Variants in SCN8A observed in about 807,000 individuals in gnomAD.
SCN8A encodes the protein sodium channel protein type 8 subunit alpha.
SCN8A carries 30 observed loss-of-function variants against 184.1 expected under a neutral mutation model. The observed-to-expected ratio is 0.16, with a 90% CI of 0.12 to 0.22. The LOEUF (loss-of-function observed/expected upper bound fraction) is 0.22, where lower values mean the gene tolerates loss of function less well. SCN8A is among the 10% of genes least tolerant of loss of function. The pLI is 1.00. For missense variants in SCN8A, 1,057 were observed against 2,498.9 expected, an observed-to-expected ratio of 0.42 and a Z score of 12.30; for synonymous variants, 852 against 907.0, an observed-to-expected ratio of 0.94 and a Z score of 1.09.
intron 12 of SCN8A, among the ~76,000 whole-genome samples, chr12:51,740,281 A>G (rs1942400717): frequency 1.3e-5 from 2 of 152,230 alleles, no homozygotes; most frequent in Admixed American, 6.5e-5. Flanking sequence ...CAAGGTGCTG[A>G]TAGCTTTAAA....
chr12:51,718,677 G>A (rs999246335), intron 11 of SCN8A, among the ~76,000 whole-genome samples: 8 of 151,924 alleles, frequency 5.3e-5, no homozygotes, highest in African/African-American at 1.2e-4. Flanking sequence ...TGACTTTAAG[G>A]TAGATTTTGA....
At chr12:51,764,755 A>G (rs1462507149) in intron 15 of SCN8A, among the ~76,000 whole-genome samples, 5 of 152,028 alleles carry the variant, frequency 3.3e-5, no homozygotes. Flanking sequence ...CTGTCCTCTG[A>G]ATAACAGTAT....
intron 9 of SCN8A, 29 bp from the exon 10 acceptor site, chr12:51,705,388 G>GACTCAGAAAA: frequency 6.2e-7 from 1 of 1,610,596 alleles, no homozygotes; most frequent in South Asian, 1.1e-5. Context: ...TGGTACAAGT[G>GACTCAGAAAA]ACTCAGAAAA....
At chr12:51,738,535 A>G (rs1288145000) in intron 12 of SCN8A, among the ~76,000 whole-genome samples, 1 of 152,166 alleles carries the variant, frequency 6.6e-6, no homozygotes, top group African/African-American at 2.4e-5. Context: ...TTTATCAGTA[A>G]TTTGATTTAC....
At chr12:51,675,262 G>A (rs1272017659) in intron 2 of SCN8A, among the ~76,000 whole-genome samples, 3 of 152,170 alleles carry the variant, frequency 2.0e-5, no homozygotes, top group East Asian at 1.9e-4. Context: ...TGCTCTGCCC[G>A]GTATGGCTTC....
intron 6 of SCN8A, among the ~76,000 whole-genome samples, chr12:51,690,707 A>G (rs149711947): frequency 1.1e-3 from 167 of 152,244 alleles, no homozygotes; most frequent in Non-Finnish European, 1.7e-3. Flanking sequence ...TCAATAGCAG[A>G]TAGAGAGGGA....
chr12:51,778,013 CATATAAATTCTT>C (rs1404747106), intron 20 of SCN8A, among the ~76,000 whole-genome samples: 1 of 152,164 alleles, frequency 6.6e-6, no homozygotes, highest in East Asian at 1.9e-4. Flanking sequence ...TAGATACCTC[CATATAAATTCTT>C]ATTGATAATG....
rs1942078978 is a variant in SCN8A, at chr12:51,722,112, T to TTCCCCCTATTACTCACCCTG, written c.1998+207_1998+226dup. 4.0e-6 allele frequency: 3 copies of TTCCCCCTATTACTCACCCTG among 749,152 alleles called. No individual in the cohort carries two copies. In the African/African-American group the frequency reaches 5.3e-5, roughly 13 times the overall value. 46.4% of individuals were successfully genotyped at this position (749,152 alleles called of 1,614,324 possible). On this transcript the variant is annotated intron_variant, in intron 12 of 26. Coordinates refer to ENST00000627620, the MANE Select transcript of SCN8A (RefSeq NM_001330260.2). ...CCTATTTCTATTTCTCTCTTCAGTT[T>TTCCCCCTATTACTCACCCTG]TCCCCCTATTACTCACCCTGTCTTC...
chr12:51,603,155 T>G (rs1939506000), intron 1 of SCN8A, among the ~76,000 whole-genome samples: 1 of 152,184 alleles, frequency 6.6e-6, no homozygotes, highest in African/African-American at 2.4e-5. Flanking sequence ...TACTCCCTCC[T>G]GCTGTTCCTT....
chr12:51,708,107 C>T (rs1251988951), intron 11 of SCN8A, among the ~76,000 whole-genome samples: 1 of 152,178 alleles, frequency 6.6e-6, no homozygotes, highest in Non-Finnish European at 1.5e-5. Context: ...TCTAAAACAT[C>T]AGGGAGAGCT....
chr12:51,751,543 C>T lies in SCN8A; in HGVS notation c.2320C>T (p.His774Tyr), dbSNP rs1565910864. 1.1e-5 allele frequency: 18 copies of T among 1,613,886 alleles called. No homozygotes were observed. The highest frequency in any genetic ancestry group is 1.4e-5 in the Non-Finnish European group (17 of 1,179,828). Reference protein sequence around the residue: ...VLNTLFMAMEHHPMTPQFEHV... With the variant: ...VLNTLFMAMEYHPMTPQFEHV... Reference sequence around the variant, plus strand: ...GAATACACTGTTTATGGCAATGGAGCACCATCCTATGACACCACAATTTGA... The same window carrying T: ...GAATACACTGTTTATGGCAATGGAGTACCATCCTATGACACCACAATTTGA... The change falls in exon 14 of 27, where the codon CAC (histidine) becomes TAC (tyrosine). Residue 774 changes from histidine (H) to tyrosine (Y), a missense_variant. Physicochemically the swap from His to Tyr is moderately conservative, Grantham distance 83 (BLOSUM62 2). Transcript: ENST00000627620.
chr12:51,595,823 C>T (rs1161726277), intron 1 of SCN8A, among the ~76,000 whole-genome samples: 2 of 152,154 alleles, frequency 1.3e-5, no homozygotes, highest in African/African-American at 2.4e-5. Flanking sequence ...GAAAAGCAGA[C>T]GGATGCTTTA....
chr12:51,704,974 C>CA (rs1038369848), intron 9 of SCN8A, among the ~76,000 whole-genome samples: 2,022 of 146,728 alleles, frequency 0.014, 40 homozygotes, highest in African/African-American at 0.047. Context: ...CACTTCATCT[C>CA]AAAAAAAAAA....
At chr12:51,591,882 C>T (rs1939228480) in intron 1 of SCN8A, among the ~76,000 whole-genome samples, 1 of 152,046 alleles carries the variant, frequency 6.6e-6, no homozygotes, top group Non-Finnish European at 1.5e-5. Context: ...GGGTTCTTCC[C>T]GCAGCCAGCA....
At chr12:51,785,803 A>T (rs538434396) in intron 21 of SCN8A, among the ~76,000 whole-genome samples, 6 of 152,230 alleles carry the variant, frequency 3.9e-5, no homozygotes, top group Non-Finnish European at 8.8e-5. Context: ...ATACACTGTG[A>T]TGAGTGGAGT....
chr12:51,612,663 C>T (rs138716346), intron 1 of SCN8A, among the ~76,000 whole-genome samples: 1 of 152,168 alleles, frequency 6.6e-6, no homozygotes, highest in Non-Finnish European at 1.5e-5. Context: ...ACCTACTTTG[C>T]ATTTCTGGGG....
intron 11 of SCN8A, among the ~76,000 whole-genome samples, chr12:51,711,480 C>T (rs1004738227): frequency 6.6e-6 from 1 of 152,196 alleles, no homozygotes; most frequent in Non-Finnish European, 1.5e-5. Flanking sequence ...TAGAAAGAAT[C>T]ACTTATAACT....
At chr12:51,755,626 AC>A (rs879653376) in intron 14 of SCN8A, among the ~76,000 whole-genome samples, 14 of 150,492 alleles carry the variant, frequency 9.3e-5, no homozygotes, top group East Asian at 3.9e-4. Context: ...AAAATAGAAA[AC>A]TAAAAAAAAA....
intron 1 of SCN8A, among the ~76,000 whole-genome samples, chr12:51,618,458 A>AACACACACACACAC (rs56163627): frequency 1.4e-5 from 2 of 138,844 alleles, no homozygotes; most frequent in African/African-American, 2.8e-5. Flanking sequence ...ATACCAGAGC[A>AACACACACACACAC]ACACACACAC....
Sources: allele counts gnomAD v4.1 joint callset (sites outside exome capture counted in the v4.1 genomes callset), GRCh38; gene constraint gnomAD v4.1.1; transcripts MANE v1.5; gene names NCBI Gene and HGNC (gene_info 2026-07-23, HGNC 2026-07-21).